SGCZ: variants seen among roughly 807,000 people sequenced by gnomAD.
SGCZ encodes the protein zeta-sarcoglycan.
SGCZ carries 40 observed loss-of-function variants against 41.3 expected under a neutral mutation model. The ratio of observed to expected loss-of-function variants is 0.97; its 90% CI spans 0.75 to 1.26. The LOEUF (loss-of-function observed/expected upper bound fraction) is 1.26. Among genes scored for constraint, SGCZ ranks in the 50% most tolerant of loss-of-function variants. The pLI is 0.00. For synonymous variants in SGCZ, 206 were observed against 137.5 expected (o/e 1.50, Z -3.49); for missense variants, 552 against 369.8 (o/e 1.49, Z -4.04).
At chr8:14,937,143 G>T (rs1469565245) in intron 1 of SGCZ, among the ~76,000 whole-genome samples, 4 of 151,594 alleles carry the variant, frequency 2.6e-5, no homozygotes, top group Non-Finnish European at 5.9e-5. Context: ...ACACTCTTTG[G>T]CAACATTGTT....
intron 1 of SGCZ, among the ~76,000 whole-genome samples, chr8:15,030,574 T>A (rs566672365): frequency 4.1e-4 from 63 of 152,220 alleles, no homozygotes; most frequent in African/African-American, 1.4e-3. Flanking sequence ...AAAAAAATGT[T>A]CTATGTGATC....
rs532414057 is a variant in SGCZ at position 15,082,654 on chromosome 8, A to G, written c.39+154931T>C. On this transcript the variant is annotated intron_variant, in intron 1 of 7. Coordinates refer to ENST00000382080, the MANE Select transcript of SGCZ (RefSeq NM_139167.4). ...ATGGCAGGTTGAACTGGAAGCAGGA[A>G]TGACATTTCAATACTTATTTGTCTG... is the stretch of plus-strand genomic sequence containing the variant. 2.0e-5 allele frequency among the ~76,000 whole-genome samples: 3 copies of G among 152,294 alleles called. No individual in the cohort carries two copies. The South Asian group carries it at 6.2e-4, about 32-fold the overall frequency.
chr8:14,443,265 C>A, intron 2 of SGCZ, among the ~76,000 whole-genome samples: 1 of 152,096 alleles, frequency 6.6e-6, no homozygotes, highest in Non-Finnish European at 1.5e-5. Flanking sequence ...AATGCCATCC[C>A]CATCAAGCTA....
intron 2 of SGCZ, among the ~76,000 whole-genome samples, chr8:14,500,775 T>C (rs1406845357): frequency 1.3e-5 from 2 of 152,072 alleles, no homozygotes; most frequent in Non-Finnish European, 2.9e-5. Context: ...TTGTTAAAAA[T>C]TAACTAGACA....
chr8:14,922,523 C>T (rs921819973), intron 1 of SGCZ, among the ~76,000 whole-genome samples: 3 of 151,892 alleles, frequency 2.0e-5, no homozygotes, highest in East Asian at 3.9e-4. Flanking sequence ...GGCGCGATTT[C>T]GGCTCACCAC....
chr8:14,785,266 T>G (rs1800733180), intron 1 of SGCZ, among the ~76,000 whole-genome samples: 3 of 151,906 alleles, frequency 2.0e-5, no homozygotes, highest in African/African-American at 7.2e-5. Flanking sequence ...CAATAAAAGT[T>G]ATTTCAAAAA....
intron 4 of SGCZ, among the ~76,000 whole-genome samples, chr8:14,202,125 T>A (rs1288122845): frequency 1.3e-5 from 2 of 152,158 alleles, no homozygotes. Context: ...ATAATCCCAA[T>A]GTCATTACAG....
At chr8:14,656,485 CCT>C (rs1491554399) in intron 1 of SGCZ, among the ~76,000 whole-genome samples, 35 of 139,256 alleles carry the variant, frequency 2.5e-4, no homozygotes, top group African/African-American at 8.6e-4. Flanking sequence ...TCTCTTTCTC[CCT>C]CTCTTTCCTC....
At chr8:15,128,694 G>A (rs937747942) in intron 1 of SGCZ, among the ~76,000 whole-genome samples, 2 of 152,172 alleles carry the variant, frequency 1.3e-5, no homozygotes, top group Admixed American at 6.5e-5. Flanking sequence ...AGAAACACAT[G>A]TCCCCACAAA....
intron 2 of SGCZ, among the ~76,000 whole-genome samples, chr8:14,345,038 A>G (rs559595512): frequency 6.6e-6 from 1 of 152,292 alleles, no homozygotes; most frequent in South Asian, 2.1e-4. Context: ...GTGTGCATAT[A>G]CACACACAAT....
At chr8:14,448,824 A>ATAC (rs1257714252) in intron 2 of SGCZ, among the ~76,000 whole-genome samples, 1 of 150,088 alleles carries the variant, frequency 6.7e-6, no homozygotes, top group African/African-American at 2.5e-5. Context: ...ACTCTTCCCT[A>ATAC]TACTACTATA....
At chr8:14,424,607 T>C (rs1799726489) in intron 2 of SGCZ, among the ~76,000 whole-genome samples, 1 of 145,874 alleles carries the variant, frequency 6.9e-6, no homozygotes, top group South Asian at 2.1e-4. Context: ...TATTTTTTAC[T>C]TAACAGCTTT....
intron 1 of SGCZ, among the ~76,000 whole-genome samples, chr8:14,898,170 A>T (rs1289090581): frequency 6.6e-6 from 1 of 151,948 alleles, no homozygotes; most frequent in African/African-American, 2.4e-5. Context: ...GGCTGGTCTC[A>T]AACTCCTGTA....
At chr8:14,408,974 T>TGTGC (rs1799287169) in intron 2 of SGCZ, among the ~76,000 whole-genome samples, 3 of 82,182 alleles carry the variant, frequency 3.7e-5, no homozygotes, top group South Asian at 2.8e-4. Context: ...TGTGTGTGCA[T>TGTGC]GTGTGCGTGT....
intron 2 of SGCZ, among the ~76,000 whole-genome samples, chr8:14,508,861 T>C (rs1221569884): frequency 2.0e-5 from 3 of 152,172 alleles, no homozygotes; most frequent in East Asian, 1.9e-4. Flanking sequence ...GATGATTACA[T>C]TTTTGGGTGC....
intron 1 of SGCZ, among the ~76,000 whole-genome samples, chr8:15,057,454 C>T (rs1804757022): frequency 6.6e-6 from 1 of 152,078 alleles, no homozygotes; most frequent in South Asian, 2.1e-4. Flanking sequence ...ATCAAAGGTT[C>T]CCCCATAGCA....
At position 14,842,156 on chromosome 8, in the gene SGCZ, A is replaced by G. The variant is rs372125805; in HGVS notation, c.40-287230T>C. Reference sequence around the variant, plus strand: ...CTTTAGCCAGAACACACATAACTGCACATCAGGATAAATCTTCTGAAGTAA... The same window carrying G: ...CTTTAGCCAGAACACACATAACTGCGCATCAGGATAAATCTTCTGAAGTAA... On this transcript the variant is annotated intron_variant, in intron 1 of 7. Transcript: ENST00000382080. Among the ~76,000 whole-genome samples, 14 of 152,292 alleles carry G rather than the reference A, an allele frequency of 9.2e-5. No homozygotes were observed. The East Asian group carries it at 2.5e-3, about 27-fold the overall frequency.
intron 2 of SGCZ, among the ~76,000 whole-genome samples, chr8:14,446,966 T>G (rs578129784): frequency 8.5e-5 from 13 of 152,206 alleles, no homozygotes; most frequent in Non-Finnish European, 1.3e-4. Flanking sequence ...AGATTAACTT[T>G]CAAGCAAAAG....
intron 1 of SGCZ, among the ~76,000 whole-genome samples, chr8:14,575,902 T>A (rs2117243090): frequency 4.5e-5 from 1 of 22,470 alleles, no homozygotes; most frequent in Middle Eastern, 0.022. Flanking sequence ...TGAGACCCTG[T>A]CTCAAAATAA....
Sources: gnomAD v4.1 joint callset for allele counts (sites outside exome capture counted in the v4.1 genomes callset) on GRCh38, gnomAD v4.1.1 for gene constraint, MANE v1.5 for transcripts, NCBI Gene and HGNC (gene_info 2026-07-23, HGNC 2026-07-21) for gene names.